The following SLC38A9 variants were observed in gnomAD, a reference collection of about 807,000 sequenced individuals.
SLC38A9 encodes the protein solute carrier family 38 member 9.
Under a neutral mutation model 62.3 loss-of-function variants are expected in SLC38A9, and 48 were observed. That is an observed-to-expected ratio of 0.77 (90% CI 0.61 to 0.98). SLC38A9 has a LOEUF of 0.98. SLC38A9 is among the 50% of genes least tolerant of loss of function. The pLI is 0.00. For synonymous variants in SLC38A9, 204 were observed against 227.7 expected (o/e 0.90, Z 0.94); for missense variants, 541 against 679.8 (o/e 0.80, Z 2.27).
intron 2 of SLC38A9, among the ~76,000 whole-genome samples, chr5:55,708,735 T>A (rs796533382): frequency 9.8e-5 from 15 of 152,360 alleles, no homozygotes; most frequent in African/African-American, 3.4e-4. Context: ...GTTGACATAT[T>A]TTTTTCTGTA....
At chr5:55,684,756 C>T (rs534792145) in intron 3 of SLC38A9, among the ~76,000 whole-genome samples, 4 of 152,246 alleles carry the variant, frequency 2.6e-5, no homozygotes, top group South Asian at 2.1e-4. Flanking sequence ...TGGGTTCAAG[C>T]GATTCTCCTG....
At chr5:55,660,644 A>C (rs1428612908) in intron 8 of SLC38A9, among the ~76,000 whole-genome samples, 1 of 152,198 alleles carries the variant, frequency 6.6e-6, no homozygotes, top group Admixed American at 6.5e-5. Context: ...GGGGAGTGGG[A>C]ATAGCATGGA....
intron 2 of SLC38A9, among the ~76,000 whole-genome samples, chr5:55,708,528 T>C (rs1365544466): frequency 1.3e-5 from 2 of 152,228 alleles, no homozygotes; most frequent in African/African-American, 4.8e-5. Flanking sequence ...AATAAATCTA[T>C]AGAATCTATG....
intron 3 of SLC38A9, chr5:55,697,021 G>A (rs1317871931): frequency 1.9e-5 from 3 of 155,728 alleles, no homozygotes; most frequent in Middle Eastern, 2.9e-3. Context: ...GGGAAGAGGC[G>A]CTCCTCACTT....
chr5:55,680,222 T>TAGAGAGAGAG (rs138894224), intron 3 of SLC38A9, among the ~76,000 whole-genome samples: 3 of 85,070 alleles, frequency 3.5e-5, no homozygotes, highest in African/African-American at 9.9e-5. Context: ...TATCTATATA[T>TAGAGAGAGAG]ATATAGAGAG....
At chr5:55,649,352 G>A in intron 10 of SLC38A9, 38 bp from the exon 11 acceptor site, 3 of 1,261,308 alleles carry the variant, frequency 2.4e-6, no homozygotes, top group Non-Finnish European at 3.3e-6. Context: ...TATTATCTTT[G>A]TGTGTTTTAC....
At chr5:55,642,600 C>A (rs995756985) in intron 12 of SLC38A9, among the ~76,000 whole-genome samples, 4 of 152,002 alleles carry the variant, frequency 2.6e-5, no homozygotes, top group African/African-American at 4.8e-5. Flanking sequence ...ACTTGGCTTA[C>A]AAGAACAGAC....
In SLC38A9 at chr5:55,633,797, G is replaced by A. The variant is rs184922428; in HGVS notation, c.1387C>T (p.Arg463Cys). 5.0e-5 allele frequency: 80 copies of A among 1,614,144 alleles called. No individual in the cohort carries two copies. Among genetic ancestry groups the A allele is most frequent in the Middle Eastern group, 1.7e-4 (1 of 6,060 alleles). ...AAGATATGGCCCAAAAGCTGGACAC[G>A]AGCCAGGTAGCCTAAGAGTGGGTAT... ...TVYPLLGYLARVQLLGHIFGD... is the reference protein window; with the variant it reads ...TVYPLLGYLACVQLLGHIFGD... Residue 463 changes from arginine (R) to cysteine (C), a missense_variant, in exon 14 of 16, where the codon CGT becomes TGT. Physicochemically the swap from Arg to Cys is radical, Grantham distance 180. Transcript: ENST00000396865.
chr5:55,668,281 A>G (rs1750792186), intron 7 of SLC38A9, among the ~76,000 whole-genome samples: 1 of 152,264 alleles, frequency 6.6e-6, no homozygotes, highest in Admixed American at 6.5e-5. Context: ...TACTGTATAC[A>G]TTTAAAGAAG....
At chr5:55,684,460 G>A (rs893954269) in intron 3 of SLC38A9, among the ~76,000 whole-genome samples, 1 of 152,192 alleles carries the variant, frequency 6.6e-6, no homozygotes, top group Non-Finnish European at 1.5e-5. Flanking sequence ...ATTGAGATGA[G>A]TTAAAGTTGG....
At chr5:55,646,632 G>A (rs1248066299) in intron 11 of SLC38A9, among the ~76,000 whole-genome samples, 1 of 152,128 alleles carries the variant, frequency 6.6e-6, no homozygotes, top group Non-Finnish European at 1.5e-5. Flanking sequence ...CACCTACAGA[G>A]GATTCATTAA....
intron 7 of SLC38A9, among the ~76,000 whole-genome samples, chr5:55,666,193 G>A (rs1267749970): frequency 6.6e-6 from 1 of 152,138 alleles, no homozygotes; most frequent in Non-Finnish European, 1.5e-5. Context: ...TAAAAAGCAT[G>A]TATTTAGAGA....
At chr5:55,632,596 A>G (rs1580070317) in intron 14 of SLC38A9, among the ~76,000 whole-genome samples, 1 of 152,214 alleles carries the variant, frequency 6.6e-6, no homozygotes, top group Admixed American at 6.5e-5. Flanking sequence ...ATTCTCCCGA[A>G]GCTATCTTAG....
At chr5:55,697,627 TCCC>T (rs1756068974) in intron 3 of SLC38A9, among the ~76,000 whole-genome samples, 1 of 118,204 alleles carries the variant, frequency 8.5e-6, no homozygotes, top group Admixed American at 9.9e-5. Context: ...CCCCAACCAC[TCCC>T]CCAACAGAGA....
intron 10 of SLC38A9, among the ~76,000 whole-genome samples, chr5:55,651,580 C>T (rs897206302): frequency 4.0e-5 from 6 of 151,862 alleles, no homozygotes; most frequent in Middle Eastern, 3.2e-3. Flanking sequence ...TAAAAACATT[C>T]GTTTAGTGGT....
At chr5:55,649,186 T>C (rs1183885910) in intron 11 of SLC38A9, 21 bp downstream of exon 11, 1 of 1,363,330 alleles carries the variant, frequency 7.3e-7, no homozygotes, top group African/African-American at 1.5e-5. Context: ...TTATAATTTA[T>C]TATTTTGCCA....
intron 14 of SLC38A9, among the ~76,000 whole-genome samples, chr5:55,632,906 T>C (rs940557386): frequency 6.6e-6 from 1 of 152,176 alleles, no homozygotes; most frequent in African/African-American, 2.4e-5. Flanking sequence ...CACATAAACA[T>C]AACCATAAAA....
Position 55,672,572 on chromosome 5 carries a change from G to A in SLC38A9, c.237C>T (p.Asp79=), listed in dbSNP as rs1751491292. ...HYYSRLTTPA[D]KALIAPDHVV... ...ATGTTTTGTCTCTTACCAGTGCCTT[G>A]TCTGCAGGAGTGGTGAGCCGGCTGT... Residue 79 remains aspartate (D), a synonymous_variant, in exon 4 of 16, where the codon GAC becomes GAT. Transcript: ENST00000396865. 6.2e-7 allele frequency: 1 copy of A among 1,613,894 alleles called. No individual in the cohort carries two copies. Among genetic ancestry groups the A allele is most frequent in the South Asian group, 1.1e-5 (1 of 91,034 alleles).
At chr5:55,627,022 G>T (rs761478418) in intron 15 of SLC38A9, among the ~76,000 whole-genome samples, 3 of 152,032 alleles carry the variant, frequency 2.0e-5, no homozygotes, top group Admixed American at 6.6e-5. Context: ...GTTTTTGAGG[G>T]ACCGTTAGCA....
Sources: allele counts gnomAD v4.1 joint callset (sites outside exome capture counted in the v4.1 genomes callset), GRCh38; gene constraint gnomAD v4.1.1; transcripts MANE v1.5; gene names NCBI Gene and HGNC (gene_info 2026-07-23, HGNC 2026-07-21).